TDRD9: variants seen among roughly 807,000 people sequenced by gnomAD.
TDRD9 encodes ATP-dependent RNA helicase TDRD9.
In TDRD9, 124 loss-of-function variants were observed where a neutral mutation model predicts 172.6. That is an observed-to-expected ratio of 0.72 (90% confidence interval 0.62 to 0.83). TDRD9 has a LOEUF of 0.83. TDRD9 is among the 40% of genes least tolerant of loss of function. The pLI is 0.00. For synonymous variants in TDRD9, 619 were observed against 617.1 expected (o/e 1.00, Z -0.05); for missense variants, 1,479 against 1,714.1 (o/e 0.86, Z 2.42).
chr14:104,046,806 T>C (rs1359001989), intron 34 of TDRD9, among the ~76,000 whole-genome samples: 2 of 152,004 alleles, frequency 1.3e-5, no homozygotes, highest in African/African-American at 2.4e-5. Flanking sequence ...CCACCACACC[T>C]GGCTAATTTT....
Position 103,940,820 on chromosome 14 carries a change from G to A in TDRD9, c.215+12096G>A, listed in dbSNP as rs142355459. The A allele has an allele frequency of 3.9e-6, 6 of 1,534,100 alleles. No individual in the cohort carries two copies. In the African/African-American group the frequency reaches 8.2e-5, roughly 21 times the overall value. ...TTGTAAGTAACTTAACTAGATGGGT[G>A]ATAATATGGTAGGTTCCATATTCTG... On this transcript the variant is annotated intron_variant, in intron 1 of 35. Transcript: ENST00000409874.
chr14:104,051,558 G>C (rs535509752), intron 35 of TDRD9, among the ~76,000 whole-genome samples: 21 of 152,338 alleles, frequency 1.4e-4, no homozygotes, highest in African/African-American at 4.3e-4. Context: ...GAACTAAGTT[G>C]TATTCCCACC....
intron 21 of TDRD9, among the ~76,000 whole-genome samples, chr14:104,015,042 A>G (rs2034744641): frequency 6.6e-6 from 1 of 152,164 alleles, no homozygotes; most frequent in Admixed American, 6.5e-5. Flanking sequence ...TTGATGATTC[A>G]CCTAGAGAGT....
In TDRD9 at chr14:104,018,171, C is replaced by A; in HGVS notation, c.2411C>A (p.Ser804Tyr). ...SLFRQCGQVK[S>Y]IVFDGAKAFV... Reference sequence around the variant, plus strand: ...TTTAGACAGTGTGGTCAAGTCAAATCCATTGTATTTGATGGTGCAAAGTAA... The same window carrying A: ...TTTAGACAGTGTGGTCAAGTCAAATACATTGTATTTGATGGTGCAAAGTAA... The change falls in exon 23 of 36, where the codon TCC (serine) becomes TAC (tyrosine). Residue 804 changes from serine to tyrosine, a missense_variant. This residue lies in a region of TDRD9 where 1,413 missense variants were observed against 1,649.1 expected (regional missense o/e 0.86). Coordinates refer to ENST00000409874, the MANE Select transcript of TDRD9 (RefSeq NM_153046.3). 1 of 1,597,700 alleles carries A rather than the reference C, an allele frequency of 6.3e-7. No individual in the cohort carries two copies. The highest frequency in any genetic ancestry group is 8.6e-7 in the Non-Finnish European group (1 of 1,167,384).
chr14:104,043,805 T>C (rs926090157), intron 34 of TDRD9, among the ~76,000 whole-genome samples: 1 of 152,250 alleles, frequency 6.6e-6, no homozygotes, highest in African/African-American at 2.4e-5. Context: ...CTCTTCAGCA[T>C]TTCTGTCATC....
At chr14:104,041,788 G>T (rs1242984822) in intron 33 of TDRD9, among the ~76,000 whole-genome samples, 1 of 152,190 alleles carries the variant, frequency 6.6e-6, no homozygotes, top group African/African-American at 2.4e-5. Flanking sequence ...TTCATATGAA[G>T]TTAAGCCTGC....
intron 1 of TDRD9, among the ~76,000 whole-genome samples, chr14:103,952,888 C>T (rs990160942): frequency 2.4e-4 from 36 of 151,528 alleles, no homozygotes; most frequent in Non-Finnish European, 1.2e-4. Context: ...TACAGGTGCT[C>T]GCCACCACGT....
chr14:103,932,641 C>T (rs553274801), intron 1 of TDRD9, among the ~76,000 whole-genome samples: 1 of 151,232 alleles, frequency 6.6e-6, no homozygotes, highest in African/African-American at 2.4e-5. Flanking sequence ...CCTGCCTCGG[C>T]CTTCCAAAGT....
intron 24 of TDRD9, among the ~76,000 whole-genome samples, chr14:104,022,764 A>ATAAATAAAT (rs372923417): frequency 6.9e-6 from 1 of 144,440 alleles, no homozygotes; most frequent in Non-Finnish European, 1.5e-5. Context: ...AAATAAATAA[A>ATAAATAAAT]AAAGCACTGG....
chr14:104,002,131 G>C (rs910799873), intron 13 of TDRD9, among the ~76,000 whole-genome samples: 5 of 151,172 alleles, frequency 3.3e-5, no homozygotes, highest in East Asian at 2.0e-4. Context: ...ATCAGCTTGG[G>C]CAACATGGCA....
intron 5 of TDRD9, among the ~76,000 whole-genome samples, chr14:103,967,633 C>T (rs924629572): frequency 2.6e-5 from 4 of 152,150 alleles, no homozygotes; most frequent in African/African-American, 9.7e-5. Flanking sequence ...AACATATACT[C>T]CAGGCAAAGC....
At chr14:103,976,139 T>A (rs1462943627) in intron 7 of TDRD9, among the ~76,000 whole-genome samples, 1 of 152,228 alleles carries the variant, frequency 6.6e-6, no homozygotes, top group Non-Finnish European at 1.5e-5. Flanking sequence ...GGTATTTATC[T>A]TTCTGTGCCT....
At position 104,036,432 on chromosome 14, in the gene TDRD9, G is replaced by A. The variant is rs146617092; in HGVS notation, c.3716+1376G>A. On this transcript the variant is annotated intron_variant, in intron 32 of 35. Coordinates refer to ENST00000409874, the MANE Select transcript of TDRD9 (RefSeq NM_153046.3). ...CCTCGGTGGGGAGACAGATGTGCAG[G>A]AACCACACGTGGCAGTGGGATGATC... 7.3e-4 allele frequency among the ~76,000 whole-genome samples: 111 copies of A among 152,264 alleles called. No individual in the cohort carries two copies. The Middle Eastern group carries it at 0.01, about 14-fold the overall frequency.
chr14:104,040,056 A>G, intron 32 of TDRD9, 140 bp from the exon 33 acceptor site: 1 of 644,916 alleles, frequency 1.6e-6, no homozygotes, highest in East Asian at 3.4e-5. Context: ...GAAAACTGGC[A>G]GAAAAATGCA....
chr14:103,957,827 G>A (rs2032320603), intron 2 of TDRD9, among the ~76,000 whole-genome samples: 1 of 152,220 alleles, frequency 6.6e-6, no homozygotes, highest in Admixed American at 6.5e-5. Flanking sequence ...GTGCCGGATG[G>A]ATTACCACTC....
chr14:104,002,372 T>C (rs1347088933), intron 13 of TDRD9, among the ~76,000 whole-genome samples: 1 of 148,304 alleles, frequency 6.7e-6, no homozygotes, highest in Non-Finnish European at 1.5e-5. Context: ...TTTAACAGAG[T>C]TTTAAAGAAC....
intron 7 of TDRD9, among the ~76,000 whole-genome samples, chr14:103,982,364 GTT>G: frequency 6.6e-6 from 1 of 152,124 alleles, no homozygotes; most frequent in Admixed American, 6.5e-5. Flanking sequence ...GGTGTCCCCT[GTT>G]GCCACTCAGA....
At position 103,995,792 on chromosome 14, in the gene TDRD9, C is replaced by T. The variant is rs764661057; in HGVS notation, c.1363C>T (p.Pro455Ser). Residue 455 changes from proline to serine, a missense_variant, in exon 12 of 36, where the codon CCA becomes TCA. Around this residue, in one of 3 missense-constraint regions of TDRD9, gnomAD observed 1,413 missense variants for 1,649.1 expected, o/e 0.86. Transcript: ENST00000409874. ...TATTGCAGAGAGTTCTGTCACAGTT[C>T]CAGATGTCAAATATGGTAAGATACT... The part of the protein sequence containing the change: ...TNIAESSVTV[P>S]DVKYVIDFCL... 13 of 1,608,044 alleles carry T rather than the reference C, an allele frequency of 8.1e-6. No individual in the cohort carries two copies. The highest frequency in any genetic ancestry group is 1.0e-5 in the Non-Finnish European group (12 of 1,177,512).
intron 2 of TDRD9, 121 bp downstream of exon 2, chr14:103,955,891 C>A: frequency 1.3e-6 from 1 of 770,380 alleles, no homozygotes. Flanking sequence ...GGGAGGATCA[C>A]TTAAGGCCAG....
Sources: gnomAD v4.1 joint callset for allele counts (sites outside exome capture counted in the v4.1 genomes callset) on GRCh38, gnomAD v4.1.1 for gene constraint, gnomAD v4.1.1 regional missense constraint, MANE v1.5 for transcripts, NCBI Gene and HGNC (gene_info 2026-07-23, HGNC 2026-07-21) for gene names.